Variants in REEP5 observed in about 807,000 individuals in gnomAD.
REEP5 encodes receptor accessory protein 5.
In REEP5, 24 loss-of-function variants were observed where a neutral mutation model predicts 22.4. The ratio of observed to expected loss-of-function variants is 1.07; its 90% CI spans 0.78 to 1.51. The LOEUF is 1.51. REEP5 is among the 40% of genes most tolerant of loss of function. REEP5 has a pLI of 0.00. For missense variants in REEP5, 252 were observed against 233.0 expected (o/e 1.08, Z -0.53); for synonymous variants, 103 against 88.6 (o/e 1.16, Z -0.92).
chr5:112,922,054 G>T lies in REEP5; in HGVS notation c.118+19C>A. On this transcript the variant is annotated intron_variant, in intron 1 of 4. Coordinates refer to ENST00000379638, the MANE Select transcript of REEP5 (RefSeq NM_005669.5). ...GGCTCCCGTGGCCCTACCAGCGGCGGCGACCCCCGGCCACCCACCAAGAGC... is the reference window on the plus strand; with the variant it reads ...GGCTCCCGTGGCCCTACCAGCGGCGTCGACCCCCGGCCACCCACCAAGAGC... 1 of 1,582,302 alleles carries T rather than the reference G, an allele frequency of 6.3e-7. No individual in the cohort carries two copies.
intron 2 of REEP5, among the ~76,000 whole-genome samples, chr5:112,910,797 T>C (rs1020100217): frequency 2.0e-5 from 3 of 152,210 alleles, no homozygotes; most frequent in African/African-American, 7.2e-5. Context: ...ACACTGTTCC[T>C]TGCCTATCAA....
rs1230095215 is a variant in REEP5, at chr5:112,889,673, A to G, written c.352-2490T>C. Among the ~76,000 whole-genome samples, 2 of 150,486 alleles carry G rather than the reference A, an allele frequency of 1.3e-5. 1 individual carries two copies. The highest frequency in any genetic ancestry group is 5.0e-5 in the African/African-American group (2 of 40,350). ...ACAAATGGACAAAATCTGCAATCAT[A>G]GATTTTAACATTTCCATCAGAAATT... On this transcript the variant is annotated intron_variant, in intron 3 of 4. Transcript: ENST00000379638.
chr5:112,893,991 T>C (rs519397), intron 3 of REEP5: 62,634 of 152,152 alleles, frequency 0.41, 14,299 homozygotes, highest in African/African-American at 0.63. Flanking sequence ...ATTAAATGAC[T>C]GTATTTTTCA....
intron 1 of REEP5, 146 bp downstream of exon 1, chr5:112,921,927 G>T (rs1393432326): frequency 2.8e-6 from 3 of 1,053,570 alleles, no homozygotes; most frequent in Non-Finnish European, 3.8e-6. Context: ...CTTTCCGGGA[G>T]GCCAGCCTGA....
At chr5:112,911,335 C>G (rs547479232) in intron 2 of REEP5, among the ~76,000 whole-genome samples, 4 of 152,276 alleles carry the variant, frequency 2.6e-5, no homozygotes, top group Non-Finnish European at 5.9e-5. Context: ...GCTCACTGAA[C>G]TGACATAAAA....
chr5:112,902,018 C>T (rs1768860950), intron 3 of REEP5, among the ~76,000 whole-genome samples: 1 of 150,726 alleles, frequency 6.6e-6, no homozygotes, highest in Admixed American at 6.6e-5. Context: ...AATTATATAT[C>T]CATAATTAAC....
At position 112,893,395 on chromosome 5, in the gene REEP5, G is replaced by A. The variant is rs550032275; in HGVS notation, c.352-6212C>T. On this transcript the variant is annotated intron_variant, in intron 3 of 4. Coordinates refer to ENST00000379638, the MANE Select transcript of REEP5 (RefSeq NM_005669.5). ...ACTTCACTCCAGCCTGGGTGACAGA[G>A]CGAGACTGTGTCTCAAAAAATAGAA... The A allele has an allele frequency of 1.6e-5, 3 of 187,380 alleles. No individual in the cohort carries two copies. The East Asian group carries it at 4.4e-4, about 28-fold the overall frequency. The allele number at this position is 187,380 out of a possible 1,614,324, so 11.6% of individuals were successfully genotyped here. A position where few individuals can be genotyped will look rare whatever the true frequency, so the allele number is the denominator to read the frequency against.
At chr5:112,895,837 C>G (rs1561653181) in intron 3 of REEP5, 1 of 152,200 alleles carries the variant, frequency 6.6e-6, no homozygotes, top group Non-Finnish European at 1.5e-5. Flanking sequence ...AAGCTGCCCT[C>G]AAAGTGCCAG....
At chr5:112,896,685 C>G (rs562978926) in intron 3 of REEP5, 1 of 152,030 alleles carries the variant, frequency 6.6e-6, no homozygotes, top group Non-Finnish European at 1.5e-5. Context: ...CCTGTAATTG[C>G]AGCACTTCGG....
chr5:112,892,866 G>T, intron 3 of REEP5: 1 of 1,613,308 alleles, frequency 6.2e-7, no homozygotes, highest in South Asian at 1.1e-5. Flanking sequence ...GTCATAGGGG[G>T]AAGAAATCTC....
intron 3 of REEP5, among the ~76,000 whole-genome samples, chr5:112,890,115 C>A (rs1293312173): frequency 6.7e-6 from 1 of 150,328 alleles, no homozygotes; most frequent in Non-Finnish European, 1.5e-5. Context: ...GCGTGAGCCA[C>A]CGCACCCGGC....
chr5:112,894,507 C>T (rs1768618469), intron 3 of REEP5: 1 of 152,226 alleles, frequency 6.6e-6, no homozygotes, highest in Non-Finnish European at 1.5e-5. Flanking sequence ...TGCAATACAA[C>T]ATTATGATAT....
rs1018416328 is a variant in REEP5, at chr5:112,877,824, T to C, written c.*962A>G. On this transcript the variant is annotated 3_prime_UTR_variant, in exon 5 of 5. Coordinates refer to ENST00000379638, the MANE Select transcript of REEP5 (RefSeq NM_005669.5). ...CCTTAAACTGGTTTAAAAAAGAAGA[T>C]TGGGAAAGAAGACTAAATCAACATG... 1 of 152,042 alleles carries C rather than the reference T, an allele frequency of 6.6e-6. No homozygotes were observed. The highest frequency in any genetic ancestry group is 6.6e-5 in the Admixed American group (1 of 15,264). The allele number at this position is 152,042 out of a possible 1,614,324, so 9.4% of individuals were successfully genotyped here. A position where few individuals can be genotyped will look rare whatever the true frequency, so the allele number is the denominator to read the frequency against.
intron 2 of REEP5, among the ~76,000 whole-genome samples, chr5:112,913,564 TTAAGA>T (rs1192317955): frequency 3.6e-4 from 44 of 121,418 alleles, no homozygotes; most frequent in African/African-American, 1.5e-3. Flanking sequence ...AAAAAAAAAA[TTAAGA>T]TGAGTCTATA....
intron 2 of REEP5, among the ~76,000 whole-genome samples, chr5:112,911,518 A>T (rs1187541278): frequency 6.6e-6 from 1 of 152,212 alleles, no homozygotes; most frequent in Non-Finnish European, 1.5e-5. Flanking sequence ...ACTATTTTTC[A>T]AATTATTTCA....
intron 3 of REEP5, chr5:112,892,338 C>T (rs1022151456): frequency 4.3e-6 from 7 of 1,613,890 alleles, no homozygotes; most frequent in East Asian, 2.2e-5. Context: ...TGGAGTACAG[C>T]GAGGAAGAAA....
intron 4 of REEP5, among the ~76,000 whole-genome samples, chr5:112,881,119 ACT>A (rs1233555509): frequency 4.1e-5 from 4 of 97,172 alleles, no homozygotes; most frequent in Middle Eastern, 7.2e-3. Context: ...ACAGAGTGAG[ACT>A]CTGTTTCAAA....
intron 4 of REEP5, among the ~76,000 whole-genome samples, chr5:112,884,834 T>C (rs1394491307): frequency 2.0e-5 from 3 of 151,772 alleles, no homozygotes; most frequent in African/African-American, 7.3e-5. Flanking sequence ...ATGGTAAATA[T>C]ACTATCTAAT....
intron 2 of REEP5, among the ~76,000 whole-genome samples, chr5:112,918,588 G>A (rs903458714): frequency 4.6e-5 from 7 of 152,194 alleles, no homozygotes; most frequent in Non-Finnish European, 1.5e-5. Context: ...GCAAGATCGC[G>A]AACTCCTTAC....
Sources: allele counts gnomAD v4.1 joint callset (sites outside exome capture counted in the v4.1 genomes callset), GRCh38; gene constraint gnomAD v4.1.1; transcripts MANE v1.5; gene names NCBI Gene and HGNC (gene_info 2026-07-23, HGNC 2026-07-21).